The following THSD4 variants were observed in gnomAD, a reference collection of about 807,000 sequenced individuals.
THSD4 encodes the protein thrombospondin type 1 domain containing 4, also known as thrombospondin type-1 domain-containing protein 4.
A neutral mutation model predicts 119.0 loss-of-function variants in THSD4; 69 were observed. The observed-to-expected ratio is 0.58, with a 90% CI of 0.48 to 0.71. THSD4 has a LOEUF of 0.71. THSD4 is among the 30% of genes least tolerant of loss of function. The probability of loss-of-function intolerance (pLI) is 0.00; values close to 1 mark genes in which losing one functional copy is unlikely to be tolerated. For synonymous variants in THSD4, 524 were observed against 540.4 expected, an observed-to-expected ratio of 0.97 and a Z score of 0.42; for missense variants, 1,393 against 1,391.1, an observed-to-expected ratio of 1.00 and a Z score of -0.02.
chr15:71,154,759 C>A, intron 2 of THSD4, 104 bp from the exon 3 acceptor site: 2 of 1,181,096 alleles, frequency 1.7e-6, no homozygotes, highest in Non-Finnish European at 2.5e-6. Flanking sequence ...CTGGGTTGGG[C>A]TGTTCCCCCC....
chr15:71,376,327 C>T (rs1289118249), intron 6 of THSD4, among the ~76,000 whole-genome samples: 1 of 152,166 alleles, frequency 6.6e-6, no homozygotes, highest in African/African-American at 2.4e-5. Context: ...GACCCAGCCT[C>T]CTTCCTTATG....
intron 1 of THSD4, among the ~76,000 whole-genome samples, chr15:71,139,040 T>C (rs2040577925): frequency 6.7e-6 from 1 of 150,016 alleles, no homozygotes; most frequent in Admixed American, 6.6e-5. Context: ...TAAATGTGAA[T>C]GCTAGCCTCA....
intron 6 of THSD4, among the ~76,000 whole-genome samples, chr15:71,395,936 CACACACACACACACACAA>C (rs1389969219): frequency 2.7e-5 from 4 of 150,576 alleles, no homozygotes; most frequent in Non-Finnish European, 4.4e-5. Context: ...CACACACACA[CACACACACACACACACAA>C]ACACAGACTT....
chr15:71,684,096 A>G (rs1280684513), intron 8 of THSD4, among the ~76,000 whole-genome samples: 1 of 152,248 alleles, frequency 6.6e-6, no homozygotes. Context: ...CCTTGTAAAG[A>G]TTCATCATAG....
intron 8 of THSD4, among the ~76,000 whole-genome samples, chr15:71,661,375 C>G (rs1183813294): frequency 6.6e-6 from 1 of 151,824 alleles, no homozygotes; most frequent in Non-Finnish European, 1.5e-5. Context: ...AACCACAAGC[C>G]AATCGAACAC....
intron 7 of THSD4, among the ~76,000 whole-genome samples, chr15:71,634,897 C>T (rs1454904288): frequency 6.6e-6 from 1 of 152,152 alleles, no homozygotes; most frequent in Non-Finnish European, 1.5e-5. Context: ...ATTGAAGAGC[C>T]TTTACCCACC....
rs1435753609 is a variant in THSD4, at chr15:71,250,131, AGGCTATTAT to A, written c.913-6478_913-6470del. Among the ~76,000 whole-genome samples the A allele has an allele frequency of 3.3e-5, 5 of 152,244 alleles. No individual in the cohort carries two copies. The East Asian group carries it at 9.7e-4, about 29-fold the overall frequency. On this transcript the variant is annotated intron_variant, in intron 5 of 17. Transcript: ENST00000261862. ...GTGTTGGGCTATAAGTCCCTGAGGG[AGGCTATTAT>A]GGCAAATTTTTCTTTGTATCCTCAT...
intron 6 of THSD4, among the ~76,000 whole-genome samples, chr15:71,385,450 G>A (rs1200692817): frequency 1.3e-5 from 2 of 152,208 alleles, no homozygotes; most frequent in African/African-American, 4.8e-5. Context: ...GTAGCCCTCA[G>A]AAGCAGAACA....
chr15:71,145,392 A>T (rs2040647691), intron 2 of THSD4, among the ~76,000 whole-genome samples: 1 of 152,174 alleles, frequency 6.6e-6, no homozygotes, highest in Non-Finnish European at 1.5e-5. Context: ...AGATCTTATG[A>T]GGGAGACTTC....
At chr15:71,321,662 AT>A (rs1319528713) in intron 6 of THSD4, among the ~76,000 whole-genome samples, 3 of 152,216 alleles carry the variant, frequency 2.0e-5, no homozygotes, top group Non-Finnish European at 4.4e-5. Flanking sequence ...GATTTATTTA[AT>A]AACTAAGTTA....
intron 6 of THSD4, among the ~76,000 whole-genome samples, chr15:71,395,372 G>C (rs911254713): frequency 2.5e-4 from 38 of 152,320 alleles, no homozygotes; most frequent in African/African-American, 9.1e-4. Context: ...CAGGTGCAAA[G>C]CCTGTGCTAA....
intron 6 of THSD4, among the ~76,000 whole-genome samples, chr15:71,300,037 G>A (rs1034657021): frequency 3.2e-4 from 48 of 149,108 alleles, no homozygotes; most frequent in African/African-American, 1.1e-3. Context: ...TGTGGTCCCA[G>A]TGACCCAGGA....
chr15:71,192,221 G>C (rs530738215), intron 3 of THSD4, among the ~76,000 whole-genome samples: 2 of 151,932 alleles, frequency 1.3e-5, no homozygotes, highest in African/African-American at 4.8e-5. Context: ...TTTCCAAACT[G>C]TCCAAATTCC....
intron 7 of THSD4, among the ~76,000 whole-genome samples, chr15:71,656,175 A>G (rs574137981): frequency 6.6e-6 from 1 of 152,206 alleles, no homozygotes; most frequent in Non-Finnish European, 1.5e-5. Context: ...AAACATCAAA[A>G]AAAGTGCATC....
chr15:71,399,165 C>T (rs7165378), intron 6 of THSD4, among the ~76,000 whole-genome samples: 31,104 of 151,900 alleles, frequency 0.2, 3,243 homozygotes, highest in South Asian at 0.3. Context: ...ATTTCAATCA[C>T]GTGGACCTGT....
At chr15:71,215,425 G>C (rs12324441) in intron 4 of THSD4, 26 bp downstream of exon 4, 293,648 of 1,491,024 alleles carry the variant, frequency 0.2, 30,586 homozygotes, top group Middle Eastern at 0.29. Flanking sequence ...TGTCTGTGCC[G>C]CTCCCCGTCC....
At chr15:71,212,991 C>A (rs1270206691) in intron 3 of THSD4, among the ~76,000 whole-genome samples, 1 of 152,196 alleles carries the variant, frequency 6.6e-6, no homozygotes, top group African/African-American at 2.4e-5. Context: ...CCTTGTTCTC[C>A]AAGTATGAGC....
rs376685265 is a variant in THSD4 at position 71,748,621 on chromosome 15, G to A, written c.2415+27G>A. 1,928 of 1,610,710 alleles carry A rather than the reference G, an allele frequency of 1.2e-3. 11 individuals are homozygous for A. Among genetic ancestry groups the A allele is most frequent in the South Asian group, 2.7e-3 (245 of 90,720 alleles). ...TGAGTGTGATGGCGGGCAGAGCGCC[G>A]GGGACCGAGGTCTGCCAGGTGCCTC... is the stretch of plus-strand genomic sequence containing the variant. On this transcript the variant is annotated intron_variant, in intron 14 of 17. Transcript: ENST00000261862.
chr15:71,384,613 A>T (rs866576022), intron 6 of THSD4, among the ~76,000 whole-genome samples: 1 of 152,212 alleles, frequency 6.6e-6, no homozygotes, highest in African/African-American at 2.4e-5. Context: ...ATAGTCTTTT[A>T]AAAGAGGCAA....
Sources: allele counts gnomAD v4.1 joint callset (sites outside exome capture counted in the v4.1 genomes callset), GRCh38; gene constraint gnomAD v4.1.1; transcripts MANE v1.5; gene names NCBI Gene and HGNC (gene_info 2026-07-23, HGNC 2026-07-21).